DCHS2: variants seen among roughly 807,000 people sequenced by gnomAD.
DCHS2 encodes protocadherin-23.
DCHS2 carries 142 observed loss-of-function variants against 182.4 expected under a neutral mutation model. The ratio of observed to expected loss-of-function variants is 0.78; its 90% CI spans 0.68 to 0.89. DCHS2 has a LOEUF of 0.89. DCHS2 is among the 40% of genes least tolerant of loss of function. DCHS2 has a pLI of 0.00. For synonymous variants in DCHS2, 1,740 were observed against 1,663.3 expected (o/e 1.05, Z -1.12); for missense variants, 4,319 against 4,198.6 (o/e 1.03, Z -0.79).
At chr4:154,296,372 G>T (rs566587304) in intron 13 of DCHS2, among the ~76,000 whole-genome samples, 9 of 152,232 alleles carry the variant, frequency 5.9e-5, no homozygotes, top group Middle Eastern at 3.4e-3. Flanking sequence ...AGTAAAGAGC[G>T]GGGAGTCACT....
intron 1 of DCHS2, among the ~76,000 whole-genome samples, chr4:154,431,468 G>T (rs1166523007): frequency 2.0e-5 from 3 of 151,728 alleles, no homozygotes; most frequent in Non-Finnish European, 4.4e-5. Context: ...TCTTTTGTTA[G>T]ATATATTCCT....
intron 1 of DCHS2, among the ~76,000 whole-genome samples, chr4:154,421,186 T>C (rs1733094045): frequency 6.6e-6 from 1 of 152,124 alleles, no homozygotes. Flanking sequence ...TTATAGAAAG[T>C]ATCCTGAGAG....
chr4:154,424,320 A>G (rs1463760321), intron 1 of DCHS2, among the ~76,000 whole-genome samples: 1 of 152,242 alleles, frequency 6.6e-6, no homozygotes, highest in Admixed American at 6.5e-5. Flanking sequence ...GGAAGCCAGA[A>G]AAGAACATCT....
intron 1 of DCHS2, among the ~76,000 whole-genome samples, chr4:154,420,262 T>C (rs141630238): frequency 0.12 from 16,383 of 131,186 alleles, 1,106 homozygotes; most frequent in Admixed American, 0.22. Context: ...GATAGATAGA[T>C]AGATAGATAG....
At chr4:154,328,845 G>A (rs72966159) in intron 6 of DCHS2, among the ~76,000 whole-genome samples, 179 of 152,244 alleles carry the variant, frequency 1.2e-3, no homozygotes, top group African/African-American at 3.7e-3. Context: ...TGTTCAATAT[G>A]TATATTTGAG....
chr4:154,369,492 G>A (rs1272931556), intron 2 of DCHS2, among the ~76,000 whole-genome samples: 2 of 152,182 alleles, frequency 1.3e-5, no homozygotes, highest in African/African-American at 4.8e-5. Context: ...TCCCAATGCT[G>A]TGTAGCTAAA....
chr4:154,441,877 C>T (rs968067799), intron 1 of DCHS2, among the ~76,000 whole-genome samples: 9 of 151,954 alleles, frequency 5.9e-5, no homozygotes, highest in Non-Finnish European at 1.0e-4. Flanking sequence ...AGACATAAAC[C>T]GGGGCCACAG....
chr4:154,362,649 A>G (rs975742734), intron 3 of DCHS2, among the ~76,000 whole-genome samples: 1 of 152,108 alleles, frequency 6.6e-6, no homozygotes. Context: ...ATAGTTTTCA[A>G]TAACAGTTAC....
intron 1 of DCHS2, among the ~76,000 whole-genome samples, chr4:154,454,422 T>C (rs1734675848): frequency 6.6e-6 from 1 of 152,178 alleles, no homozygotes. Context: ...TTTTCTATTT[T>C]TTATAGAGAT....
At chr4:154,453,602 C>A (rs1392973131) in intron 1 of DCHS2, among the ~76,000 whole-genome samples, 1 of 152,126 alleles carries the variant, frequency 6.6e-6, no homozygotes, top group Non-Finnish European at 1.5e-5. Context: ...CTGTAGAGGA[C>A]CCCCTGGTCT....
Position 154,234,499 on chromosome 4 carries a change from G to T in DCHS2, c.*37C>A. 2 of 1,546,228 alleles carry T rather than the reference G, an allele frequency of 1.3e-6. No individual in the cohort carries two copies. Among genetic ancestry groups the T allele is most frequent in the South Asian group, 2.6e-5 (2 of 78,324 alleles). On this transcript the variant is annotated 3_prime_UTR_variant, in exon 20 of 20. Transcript: ENST00000357232. ...GAAAACATTTTGTTCATTCATTCAT[G>T]ACCAATGGTGAGCAGGTACTTGGCA...
At chr4:154,341,355 C>A (rs1283737053) in intron 3 of DCHS2, among the ~76,000 whole-genome samples, 1 of 134,972 alleles carries the variant, frequency 7.4e-6, no homozygotes, top group Non-Finnish European at 1.5e-5. Context: ...AGAGACAGAG[C>A]GAGACTCTGT....
intron 3 of DCHS2, among the ~76,000 whole-genome samples, chr4:154,344,732 C>T (rs966638748): frequency 4.6e-5 from 7 of 152,136 alleles, no homozygotes; most frequent in African/African-American, 1.2e-4. Flanking sequence ...AGCCCTGAGG[C>T]GGTGCCGCAG....
At chr4:154,290,672 G>A (rs1734618751) in intron 13 of DCHS2, among the ~76,000 whole-genome samples, 1 of 151,952 alleles carries the variant, frequency 6.6e-6, no homozygotes, top group Non-Finnish European at 1.5e-5. Context: ...AAGTTGCCAA[G>A]AACATACACT....
At chr4:154,426,615 T>C (rs35648280) in intron 1 of DCHS2, among the ~76,000 whole-genome samples, 43,889 of 151,878 alleles carry the variant, frequency 0.29, 7,897 homozygotes, top group East Asian at 0.68. Flanking sequence ...TGGGTGACTA[T>C]AGTCAACAAT....
intron 13 of DCHS2, among the ~76,000 whole-genome samples, chr4:154,288,138 T>C (rs957980007): frequency 2.6e-5 from 4 of 151,948 alleles, no homozygotes; most frequent in African/African-American, 9.7e-5. Context: ...TATGGTTAAA[T>C]GGATATAAGA....
intron 14 of DCHS2, among the ~76,000 whole-genome samples, chr4:154,267,710 G>A (rs1002194624): frequency 8.6e-5 from 13 of 151,964 alleles, no homozygotes; most frequent in South Asian, 4.1e-4. Flanking sequence ...TCTTCTTCCC[G>A]AAGCCTAGCT....
chr4:154,358,393 A>G (rs998136926), intron 3 of DCHS2, among the ~76,000 whole-genome samples: 3 of 152,188 alleles, frequency 2.0e-5, no homozygotes, highest in Non-Finnish European at 4.4e-5. Flanking sequence ...TACTATAATC[A>G]ATACATAAAG....
At position 154,234,854 on chromosome 4, in the gene DCHS2, G is replaced by A; in HGVS notation, c.9798C>T (p.Gly3266=). The change falls in exon 20 of 20, where the codon GGC becomes GGT. Residue 3266 remains glycine, a synonymous_variant. Coordinates refer to ENST00000357232, the MANE Select transcript of DCHS2 (RefSeq NM_001358235.2). ...KLKDEHLHMP[G]IPKEKKSFVF... ...CAAAAGATTTCTTCTCTTTTGGAAT[G>A]CCAGGCATATGCAAATGTTCATCCT... 6.2e-7 allele frequency: 1 copy of A among 1,614,048 alleles called. No homozygotes were observed. Among genetic ancestry groups the A allele is most frequent in the Non-Finnish European group, 8.5e-7 (1 of 1,179,956 alleles).
Sources: allele counts gnomAD v4.1 joint callset (sites outside exome capture counted in the v4.1 genomes callset), GRCh38; gene constraint gnomAD v4.1.1; transcripts MANE v1.5; gene names NCBI Gene and HGNC (gene_info 2026-07-23, HGNC 2026-07-21).